The following ARHGAP20 variants were observed in gnomAD, a reference collection of about 807,000 sequenced individuals.
ARHGAP20 encodes Rho GTPase activating protein 20.
Under a neutral mutation model 73.7 loss-of-function variants are expected in ARHGAP20, and 34 were observed. The observed-to-expected ratio is 0.46, with a 90% CI of 0.35 to 0.61. ARHGAP20 has a LOEUF of 0.61. ARHGAP20 is among the 20% of genes least tolerant of loss of function. The probability of loss-of-function intolerance (pLI) is 0.00; values close to 1 mark genes in which losing one functional copy is unlikely to be tolerated. For missense variants in ARHGAP20, 1,314 were observed against 1,420.9 expected (o/e 0.92, Z 1.21); for synonymous variants, 523 against 518.2 (o/e 1.01, Z -0.13).
At chr11:110,668,761 A>C (rs1311053414) in intron 2 of ARHGAP20, among the ~76,000 whole-genome samples, 2 of 152,242 alleles carry the variant, frequency 1.3e-5, no homozygotes, top group African/African-American at 2.4e-5. Flanking sequence ...GAAACCAACA[A>C]ATTCATGCAA....
At chr11:110,649,201 CTTTTTTTT>C (rs869156175) in intron 2 of ARHGAP20, among the ~76,000 whole-genome samples, 1 of 87,092 alleles carries the variant, frequency 1.1e-5, no homozygotes, top group Non-Finnish European at 2.2e-5. Context: ...ATTATTAAAC[CTTTTTTTT>C]TTTTTTTTTT....
chr11:110,581,424 C>T (rs557277019), intron 14 of ARHGAP20, among the ~76,000 whole-genome samples, 199 bp from the exon 15 acceptor site: 2 of 152,134 alleles, frequency 1.3e-5, no homozygotes, highest in Non-Finnish European at 1.5e-5. Context: ...CAGTTCCTGA[C>T]GAATGGGCTT....
chr11:110,609,589 CAGTCATAG>C (rs1386725597), intron 7 of ARHGAP20, among the ~76,000 whole-genome samples: 1 of 152,102 alleles, frequency 6.6e-6, no homozygotes, highest in African/African-American at 2.4e-5. Context: ...AGAATAGGCC[CAGTCATAG>C]AAAACAATAA....
chr11:110,633,956 C>G (rs1374497026), intron 2 of ARHGAP20, among the ~76,000 whole-genome samples: 1 of 151,386 alleles, frequency 6.6e-6, no homozygotes, highest in African/African-American at 2.4e-5. Flanking sequence ...GGAAGGAGCA[C>G]AAAATAAGAA....
chr11:110,636,925 AT>A (rs1565451542), intron 2 of ARHGAP20, among the ~76,000 whole-genome samples: 5 of 151,988 alleles, frequency 3.3e-5, no homozygotes, highest in Admixed American at 6.6e-5. Context: ...TAGCCTTTTA[AT>A]ATAGCCTGAT....
intron 1 of ARHGAP20, among the ~76,000 whole-genome samples, chr11:110,699,063 T>C (rs1950393824): frequency 1.3e-5 from 2 of 151,924 alleles, no homozygotes; most frequent in Admixed American, 6.6e-5. Flanking sequence ...GTTATAAACT[T>C]TCCTCTTAGT....
At chr11:110,672,327 G>A (rs1036942603) in intron 2 of ARHGAP20, among the ~76,000 whole-genome samples, 1 of 152,030 alleles carries the variant, frequency 6.6e-6, no homozygotes, top group African/African-American at 2.4e-5. Context: ...ATTAAAAAAT[G>A]GGCAAAAGGT....
intron 6 of ARHGAP20, 52 bp from the exon 7 acceptor site, chr11:110,611,438 G>T: frequency 1.1e-6 from 1 of 942,670 alleles, no homozygotes; most frequent in Non-Finnish European, 1.6e-6. Flanking sequence ...TTTTAAAACA[G>T]GTTAACAAAT....
intron 11 of ARHGAP20, chr11:110,589,389 A>T: frequency 1.0e-6 from 1 of 984,308 alleles, no homozygotes; most frequent in Non-Finnish European, 1.2e-6. Context: ...ATCTGATTGT[A>T]TATAAAGTCA....
rs368289682 is a variant in ARHGAP20, at chr11:110,616,483, G to A, written c.504-889C>T. Among the ~76,000 whole-genome samples, 19 of 152,152 alleles carry A rather than the reference G, an allele frequency of 1.2e-4. No homozygotes were observed. The South Asian group carries it at 2.9e-3, about 23-fold the overall frequency. The stretch of plus-strand genomic sequence containing the variant: ...GAACTCCTGGGGCCCAAGTGATCAC[G>A]CTGGCTCAGCCTTTTGAGTAGTTAG... On this transcript the variant is annotated intron_variant, in intron 4 of 14. Transcript: ENST00000683387.
At chr11:110,705,039 T>G (rs559247164) in intron 1 of ARHGAP20, among the ~76,000 whole-genome samples, 1 of 152,314 alleles carries the variant, frequency 6.6e-6, no homozygotes, top group Non-Finnish European at 1.5e-5. Context: ...TAATGTATTT[T>G]AGTGGCAATT....
At chr11:110,687,249 T>C (rs1371559175) in intron 2 of ARHGAP20, among the ~76,000 whole-genome samples, 1 of 151,588 alleles carries the variant, frequency 6.6e-6, no homozygotes, top group Admixed American at 6.6e-5. Context: ...TTTTTTTTTA[T>C]AGAGACAGGG....
chr11:110,680,393 A>G (rs2135091769), intron 2 of ARHGAP20, among the ~76,000 whole-genome samples: 1 of 152,262 alleles, frequency 6.6e-6, no homozygotes, highest in South Asian at 2.1e-4. Context: ...CAAGGTTCTG[A>G]AGGAAGGTCA....
intron 2 of ARHGAP20, among the ~76,000 whole-genome samples, chr11:110,675,876 G>T (rs1949920067): frequency 6.6e-6 from 1 of 152,134 alleles, no homozygotes; most frequent in Non-Finnish European, 1.5e-5. Flanking sequence ...AACACTTATA[G>T]TCTATTCAAG....
At chr11:110,657,795 T>C (rs2135031678) in intron 2 of ARHGAP20, among the ~76,000 whole-genome samples, 1 of 151,156 alleles carries the variant, frequency 6.6e-6, no homozygotes, top group East Asian at 2.0e-4. Flanking sequence ...CACGGGAGGC[T>C]AAGGCAGGAG....
In ARHGAP20 at chr11:110,695,539, C is replaced by T. The variant is rs146260751; in HGVS notation, c.106-4910G>A. 4.0e-5 allele frequency among the ~76,000 whole-genome samples: 6 copies of T among 151,558 alleles called. No homozygotes were observed. In the East Asian group the frequency reaches 1.2e-3, roughly 29 times the overall value. On this transcript the variant is annotated intron_variant, in intron 1 of 14. Coordinates refer to ENST00000683387, the MANE Select transcript of ARHGAP20 (RefSeq NM_001384657.1). ...GGCAAAGGATATGAATACAGTCTTC[C>T]AAAGAAGATATACGAATTGCCAATA...
chr11:110,702,825 G>A (rs901396676), intron 1 of ARHGAP20, among the ~76,000 whole-genome samples: 5 of 152,050 alleles, frequency 3.3e-5, no homozygotes, highest in East Asian at 3.9e-4. Context: ...TCCAACTTAT[G>A]AGGAATGTGA....
In ARHGAP20 at chr11:110,578,276, G is replaced by A. The variant is rs1426446578; in HGVS notation, c.*1094C>T. On this transcript the variant is annotated 3_prime_UTR_variant, in exon 15 of 15. Coordinates refer to ENST00000683387, the MANE Select transcript of ARHGAP20 (RefSeq NM_001384657.1). ...AATGGCTGTCTGAGAAGGCCTGGCA[G>A]CCACTTTGTTGGGTATTCTATTGTG... 1.0e-6 allele frequency: 1 copy of A among 985,474 alleles called. No homozygotes were observed. Among genetic ancestry groups the A allele is most frequent in the Non-Finnish European group, 1.2e-6 (1 of 829,940 alleles). 61.0% of individuals were successfully genotyped at this position (985,474 alleles called of 1,614,324 possible). A position where few individuals can be genotyped will look rare whatever the true frequency, so the allele number is the denominator to read the frequency against.
chr11:110,578,988 C>CCT lies in ARHGAP20; in HGVS notation c.*380_*381dup, dbSNP rs1947359081. On this transcript the variant is annotated 3_prime_UTR_variant, in exon 15 of 15. Transcript: ENST00000683387. The stretch of plus-strand genomic sequence containing the variant: ...GTAGATGGTTTCTCTGTACCCTTCC[C>CCT]CTCTCTCCTCAGGCCCCTATTCCTC... The CCT allele has an allele frequency of 6.0e-6, 6 of 992,814 alleles. No homozygotes were observed. Among genetic ancestry groups the CCT allele is most frequent in the Non-Finnish European group, 7.2e-6 (6 of 834,242 alleles). 61.5% of individuals were successfully genotyped at this position (992,814 alleles called of 1,614,324 possible).
Sources: gnomAD v4.1 joint callset for allele counts (sites outside exome capture counted in the v4.1 genomes callset) on GRCh38, gnomAD v4.1.1 for gene constraint, MANE v1.5 for transcripts, NCBI Gene and HGNC (gene_info 2026-07-23, HGNC 2026-07-21) for gene names.